The following HSPG2 variants were observed in gnomAD, a reference collection of about 807,000 sequenced individuals.
HSPG2 encodes the protein heparan sulfate proteoglycan 2.
Under a neutral mutation model 526.6 loss-of-function variants are expected in HSPG2, and 278 were observed. The observed-to-expected ratio is 0.53, with a 90% confidence interval of 0.48 to 0.58. The LOEUF (loss-of-function observed/expected upper bound fraction) is 0.58, where lower values mean the gene tolerates loss of function less well. Ranked by LOEUF, HSPG2 falls within the 20% of genes least tolerant of loss-of-function variation. The probability of loss-of-function intolerance (pLI) is 0.00; values close to 1 mark genes in which losing one functional copy is unlikely to be tolerated. For synonymous variants in HSPG2, 2,465 were observed against 2,555.4 expected, an observed-to-expected ratio of 0.96 and a Z score of 1.07; for missense variants, 5,354 against 6,099.5, an observed-to-expected ratio of 0.88 and a Z score of 4.07.
rs778490590 is a variant in HSPG2, at chr1:21,854,244, T to C, written c.6388A>G (p.Ile2130Val). Reference protein sequence around the residue: ...ENGSGPKEASITVSVLHGTHS... With the variant: ...ENGSGPKEASVTVSVLHGTHS... ...GTGCCGTGGAGCACAGACACAGTAATGGAGGCCTCCTTGGGGCCCGATCCA... is the reference window on the plus strand; with the variant it reads ...GTGCCGTGGAGCACAGACACAGTAACGGAGGCCTCCTTGGGGCCCGATCCA... Residue 2130 changes from isoleucine to valine, a missense_variant, in exon 50 of 97, where the codon ATT becomes GTT. Coordinates refer to ENST00000374695, the MANE Select transcript of HSPG2 (RefSeq NM_005529.7). 11 of 1,596,222 alleles carry C rather than the reference T, an allele frequency of 6.9e-6. No individual in the cohort carries two copies. Among genetic ancestry groups the C allele is most frequent in the Non-Finnish European group, 9.4e-6 (11 of 1,171,144 alleles).
At chr1:21,929,774 A>G (rs967672578) in intron 1 of HSPG2, among the ~76,000 whole-genome samples, 1 of 150,718 alleles carries the variant, frequency 6.6e-6, no homozygotes, top group African/African-American at 2.4e-5. Context: ...GGCATCCCGG[A>G]CTCTTCTCTT....
In HSPG2 at chr1:21,898,555, AT is replaced by A. The variant is rs972022516; in HGVS notation, c.64-2246del. ...CCCAGGAGGGTGGTCTTAGTTGTGC[AT>A]GTCCAGGGGATTCCCACAGTCCCTG... On this transcript the variant is annotated intron_variant, in intron 1 of 96. Coordinates refer to ENST00000374695, the MANE Select transcript of HSPG2 (RefSeq NM_005529.7). The surrounding 1 kb of genome is among the most constrained non-coding windows in gnomAD (Gnocchi z 4.0). 2.6e-5 allele frequency among the ~76,000 whole-genome samples: 4 copies of A among 152,204 alleles called. No individual in the cohort carries two copies. The highest frequency in any genetic ancestry group is 9.6e-5 in the African/African-American group (4 of 41,460).
At chr1:21,880,284 C>T (rs1240901574) in intron 16 of HSPG2, 30 bp from the exon 17 acceptor site, 2 of 1,614,086 alleles carry the variant, frequency 1.2e-6, no homozygotes, top group East Asian at 4.5e-5. Context: ...AGAGTCGCTG[C>T]AAGGACGGTG....
chr1:21,850,215 C>T (rs1294100784), intron 56 of HSPG2, 23 bp from the exon 57 acceptor site: 1 of 1,613,214 alleles, frequency 6.2e-7, no homozygotes, highest in South Asian at 1.1e-5. Flanking sequence ...GGCAAAGGGT[C>T]AATAGCCGGC....
At chr1:21,906,059 C>G (rs11581438) in intron 1 of HSPG2, among the ~76,000 whole-genome samples, 1 of 152,170 alleles carries the variant, frequency 6.6e-6, no homozygotes, top group Non-Finnish European at 1.5e-5. Context: ...AAGTGAGGAG[C>G]CTGAGGCTCA....
At chr1:21,892,476 C>T (rs1642437011) in intron 3 of HSPG2, among the ~76,000 whole-genome samples, 1 of 152,248 alleles carries the variant, frequency 6.6e-6, no homozygotes, top group Non-Finnish European at 1.5e-5. Context: ...CACCCCGCTT[C>T]GTTCTTCGAG....
chr1:21,857,744 C>T (rs1639454729), intron 42 of HSPG2, among the ~76,000 whole-genome samples: 1 of 152,174 alleles, frequency 6.6e-6, no homozygotes. Flanking sequence ...CACCTCCTCC[C>T]ATCTCCTCCA....
chr1:21,841,250 C>T lies in HSPG2; in HGVS notation c.9364G>A (p.Val3122Met), dbSNP rs530638947. 39 of 1,613,828 alleles carry T rather than the reference C, an allele frequency of 2.4e-5. No individual in the cohort carries two copies. The highest frequency in any genetic ancestry group is 6.7e-5 in the Admixed American group (4 of 60,032). ...ACAGCCTTTCCCACTTTCACCCACA[C>T]GGGGCCCTCGGGGAGCACGGACACT... ...PTVSVLPEGP[V>M]WVKVGKAVTL... The change falls in exon 71 of 97, where the codon GTG (valine) becomes ATG (methionine). Residue 3122 changes from valine to methionine, a missense_variant. Transcript: ENST00000374695.
chr1:21,931,725 T>C (rs1268905247), intron 1 of HSPG2, among the ~76,000 whole-genome samples: 1 of 152,132 alleles, frequency 6.6e-6, no homozygotes, highest in African/African-American at 2.4e-5. Context: ...GCTCCAGATC[T>C]TTCCATAGCC....
chr1:21,864,849 G>A lies in HSPG2; in HGVS notation c.4620C>T (p.Ser1540=), dbSNP rs1365433656. The A allele has an allele frequency of 3.1e-6, 5 of 1,609,350 alleles. No homozygotes were observed. The highest frequency in any genetic ancestry group is 3.4e-6 in the Non-Finnish European group (4 of 1,178,756). Residue 1540 remains serine, a synonymous_variant, in exon 36 of 97, where the codon TCC becomes TCT. Transcript: ENST00000374695. This position sits in a 1 kb window ranked among gnomAD's most constrained non-coding sequence, Gnocchi z 4.8. ...GAGCTGGCCACACACTCACCTGGCA[G>A]GACAGACCGATGTAGCCTGGCGGGC... ...CRCPPGYIGL[S]CQDCAPGYTR...
rs1032060075 is a variant in HSPG2, at chr1:21,833,927, T to A, written c.10721-2A>T. 2 of 1,572,022 alleles carry A rather than the reference T, an allele frequency of 1.3e-6. No homozygotes were observed. Among genetic ancestry groups the A allele is most frequent in the Non-Finnish European group, 1.7e-6 (2 of 1,156,724 alleles). On this transcript the variant is annotated splice_acceptor_variant, in intron 77 of 96. Coordinates refer to ENST00000374695, the MANE Select transcript of HSPG2 (RefSeq NM_005529.7). LOFTEE classifies it high-confidence loss of function. ...GGGGCATTGAGATCTGGGGCAAGGC[T>A]GAGAGGCATGGAAGAGACATAGGCC...
intron 62 of HSPG2, 50 bp from the exon 63 acceptor site, chr1:21,846,649 A>C (rs1259257641): frequency 1.2e-6 from 2 of 1,609,514 alleles, no homozygotes; most frequent in Non-Finnish European, 1.7e-6. Context: ...CAGATTTGGG[A>C]ACAGGGTTGG....
chr1:21,894,180 G>C (rs1211568619), intron 3 of HSPG2, among the ~76,000 whole-genome samples: 1 of 152,072 alleles, frequency 6.6e-6, no homozygotes, highest in African/African-American at 2.4e-5. Context: ...GGCTATCAGG[G>C]ACGGGTCTTG....
Position 21,828,397 on chromosome 1 carries a change from G to A in HSPG2, c.12267C>T (p.Leu4089=). 2 of 1,613,728 alleles carry A rather than the reference G, an allele frequency of 1.2e-6. No individual in the cohort carries two copies. Among genetic ancestry groups the A allele is most frequent in the Non-Finnish European group, 1.7e-6 (2 of 1,180,032 alleles). Reference sequence around the variant, plus strand: ...CCTGGCTGCCTAGGAAACTGTAGGTGAGGTCCAGCCGTTTGCCATTCACTG... The same window carrying A: ...CCTGGCTGCCTAGGAAACTGTAGGTAAGGTCCAGCCGTTTGCCATTCACTG... ...EVSVNGKRLD[L]TYSFLGSQGI... The change falls in exon 89 of 97, where the codon CTC becomes CTT. Residue 4089 remains leucine, a synonymous_variant. Coordinates refer to ENST00000374695, the MANE Select transcript of HSPG2 (RefSeq NM_005529.7). The surrounding 1 kb of genome is among the most constrained non-coding windows in gnomAD (Gnocchi z 6.0).
Position 21,824,194 on chromosome 1 carries a change from C to T in HSPG2, c.12826G>A (p.Gly4276Ser), listed in dbSNP as rs2097961484. ...GAGACCAGGCGGGCCTCCCCACTAC[C>T]CAGCTGGTACCTGCAGTCATCCAGG... ...DGHLVFRYQLGSGEARLVSED... is the reference protein window; with the variant it reads ...DGHLVFRYQLSSGEARLVSED... Residue 4276 changes from glycine to serine, a missense_variant, in exon 95 of 97, where the codon GGT becomes AGT. Transcript: ENST00000374695. This position sits in a 1 kb window ranked among gnomAD's most constrained non-coding sequence, Gnocchi z 5.9. 1 of 1,613,708 alleles carries T rather than the reference C, an allele frequency of 6.2e-7. No individual in the cohort carries two copies. The highest frequency in any genetic ancestry group is 8.5e-7 in the Non-Finnish European group (1 of 1,180,032).
intron 1 of HSPG2, among the ~76,000 whole-genome samples, chr1:21,927,111 G>A (rs1029260792): frequency 2.6e-5 from 4 of 152,198 alleles, no homozygotes; most frequent in Admixed American, 6.5e-5. Flanking sequence ...AGCCCCACCC[G>A]TGGAGAAGCA....
At chr1:21,843,805 C>T (rs1248608238) in intron 65 of HSPG2, among the ~76,000 whole-genome samples, 1 of 152,172 alleles carries the variant, frequency 6.6e-6, no homozygotes, top group East Asian at 1.9e-4. Context: ...TGCCACCATG[C>T]CTGGCCAATT....
chr1:21,931,847 A>G (rs894035303), intron 1 of HSPG2, among the ~76,000 whole-genome samples: 1 of 152,082 alleles, frequency 6.6e-6, no homozygotes, highest in African/African-American at 2.4e-5. Flanking sequence ...AGCCAGAAAA[A>G]AACAGCGCAG....
In HSPG2 at chr1:21,830,944, G is replaced by A. The variant is rs777468718; in HGVS notation, c.11671+38C>T. The A allele has an allele frequency of 6.6e-5, 93 of 1,406,966 alleles. No homozygotes were observed. The Admixed American group carries it at 1.8e-3, about 28-fold the overall frequency. 87.2% of individuals were successfully genotyped at this position (1,406,966 alleles called of 1,614,324 possible). ...GGGAGGCAGCAAAGGGAAGAGGCAG[G>A]CCCTGGGGCGACAGCGACTGGCGGT... On this transcript the variant is annotated intron_variant, in intron 85 of 96. Coordinates refer to ENST00000374695, the MANE Select transcript of HSPG2 (RefSeq NM_005529.7).
Sources: allele counts gnomAD v4.1 joint callset (sites outside exome capture counted in the v4.1 genomes callset), GRCh38; gene constraint gnomAD v4.1.1; non-coding constraint Gnocchi (gnomAD v3.1); transcripts MANE v1.5; gene names NCBI Gene and HGNC (gene_info 2026-07-23, HGNC 2026-07-21).